Variants in MORN3 observed in about 807,000 individuals in gnomAD.
MORN3 encodes the protein MORN repeat containing 3.
A neutral mutation model predicts 34.7 loss-of-function variants in MORN3; 38 were observed. The ratio of observed to expected loss-of-function variants is 1.10; its 90% confidence interval spans 0.85 to 1.44. The LOEUF is 1.44. Among genes scored for constraint, MORN3 ranks in the 40% most tolerant of loss-of-function variants. The pLI is 0.00. For synonymous variants in MORN3, 109 were observed against 115.3 expected, an observed-to-expected ratio of 0.95 and a Z score of 0.35; for missense variants, 311 against 321.7, an observed-to-expected ratio of 0.97 and a Z score of 0.25.
intron 1 of MORN3, among the ~76,000 whole-genome samples, chr12:121,661,718 A>T (rs1451816936): frequency 6.6e-6 from 1 of 152,068 alleles, no homozygotes; most frequent in African/African-American, 2.4e-5. Flanking sequence ...TCTACTAAAA[A>T]TACAAAAATT....
upstream of MORN3, among the ~76,000 whole-genome samples, chr12:121,671,770 C>T (rs1429957461): frequency 6.6e-6 from 1 of 151,806 alleles, no homozygotes; most frequent in African/African-American, 2.4e-5. Context: ...ATCCCAGCTA[C>T]TCGGGAGGCT....
chr12:121,656,451 A>G (rs1555325714), intron 2 of MORN3, among the ~76,000 whole-genome samples: 1 of 152,034 alleles, frequency 6.6e-6, no homozygotes, highest in Non-Finnish European at 1.5e-5. Context: ...AGCCTTTTGA[A>G]AAGTTGGGAC....
At chr12:121,671,485 G>C (rs1380517239), upstream of MORN3, among the ~76,000 whole-genome samples, 1 of 151,892 alleles carries the variant, frequency 6.6e-6, no homozygotes, top group Non-Finnish European at 1.5e-5. Flanking sequence ...GTACCCTAAG[G>C]CAATAATAAA....
chr12:121,671,541 A>T (rs1372125441), upstream of MORN3, among the ~76,000 whole-genome samples: 1 of 152,150 alleles, frequency 6.6e-6, no homozygotes, highest in Non-Finnish European at 1.5e-5. Flanking sequence ...TCTTAGCTAG[A>T]TGCTATGGCT....
rs1377523278 is a variant in MORN3 at position 121,653,323 on chromosome 12, C to T, written c.464-64G>A. The T allele has an allele frequency of 7.8e-6, 12 of 1,534,470 alleles. No homozygotes were observed. In the East Asian group the frequency reaches 9.1e-5, roughly 12 times the overall value. ...CAAACTAAGCTAGACCCCCAGGGGT[C>T]GCTCTTCCAGAGCTCAGTGCAAATC... On this transcript the variant is annotated intron_variant, in intron 3 of 5. Transcript: ENST00000355329.
chr12:121,656,326 C>G (rs1893416064), intron 2 of MORN3, among the ~76,000 whole-genome samples: 1 of 151,938 alleles, frequency 6.6e-6, no homozygotes, highest in Non-Finnish European at 1.5e-5. Flanking sequence ...GAAGCCTGCC[C>G]TGAATTCCCT....
chr12:121,652,913 A>G (rs1318717958), intron 4 of MORN3, 105 bp from the exon 5 acceptor site: 1 of 1,451,782 alleles, frequency 6.9e-7, no homozygotes, highest in Non-Finnish European at 9.6e-7. Flanking sequence ...CCTCATCAGG[A>G]GCCACCTCCC....
chr12:121,670,876 C>T (rs553528694), upstream of MORN3, among the ~76,000 whole-genome samples: 12 of 152,006 alleles, frequency 7.9e-5, no homozygotes, highest in Middle Eastern at 6.8e-3. Flanking sequence ...TTTGGGAGGC[C>T]GAGGCGGATG....
At chr12:121,652,587 C>A in intron 5 of MORN3, 141 bp downstream of exon 5, 1 of 688,212 alleles carries the variant, frequency 1.5e-6, no homozygotes, top group South Asian at 1.7e-5. Flanking sequence ...CTGTAGGAGG[C>A]AAGAAGCCTG....
In MORN3 at chr12:121,669,464, G is replaced by T. The variant is rs1466695250; in HGVS notation, c.20C>A (p.Pro7Gln). ...CTTCCACAGGGACTCCGACTTTTTT[G>T]GGCACTTAGAGACTGGCATGGTGGC... MPVSKC[P>Q]KKSESLWKGW... The change falls in exon 1 of 6, where the codon CCA becomes CAA. Residue 7 changes from proline to glutamine, a missense_variant. By Grantham distance (76) the Pro-to-Gln change is moderately conservative (BLOSUM62 -1). Coordinates refer to ENST00000355329, the MANE Select transcript of MORN3 (RefSeq NM_173855.5). 1.3e-5 allele frequency: 21 copies of T among 1,613,802 alleles called. No individual in the cohort carries two copies. In the South Asian group the frequency reaches 2.1e-4, roughly 16 times the overall value.
intron 3 of MORN3, 66 bp downstream of exon 3, chr12:121,654,208 G>A: frequency 1.5e-6 from 2 of 1,365,642 alleles, no homozygotes; most frequent in Non-Finnish European, 2.0e-6. Flanking sequence ...GGACCAAATG[G>A]GCGTGGCCAG....
chr12:121,666,076 T>C (rs948851781), intron 1 of MORN3, among the ~76,000 whole-genome samples: 2 of 152,088 alleles, frequency 1.3e-5, no homozygotes, highest in Non-Finnish European at 2.9e-5. Context: ...ACACTTGTAA[T>C]CCCAGAACTT....
chr12:121,655,643 G>A (rs111389241), intron 2 of MORN3, among the ~76,000 whole-genome samples: 4,885 of 152,020 alleles, frequency 0.032, 153 homozygotes, highest in East Asian at 0.17. Context: ...CCCAGGAGTC[G>A]GAGGTTGCAG....
chr12:121,658,262 A>C (rs1555325901), intron 2 of MORN3, among the ~76,000 whole-genome samples: 1 of 152,116 alleles, frequency 6.6e-6, no homozygotes, highest in Non-Finnish European at 1.5e-5. Flanking sequence ...TGTGAGAGTT[A>C]ACTGAATATT....
chr12:121,653,072 C>A lies in MORN3; in HGVS notation c.648+3G>T. On this transcript the variant is annotated splice_donor_region_variant and intron_variant, in intron 4 of 5. Coordinates refer to ENST00000355329, the MANE Select transcript of MORN3 (RefSeq NM_173855.5). ...CCACAGGGCCCTGGTGAGGGCTGCC[C>A]ACCTCAGGAATGGGGAACTGAGTGG... 1.9e-6 allele frequency: 3 copies of A among 1,606,638 alleles called. No individual in the cohort carries two copies. Among genetic ancestry groups the A allele is most frequent in the South Asian group, 1.1e-5 (1 of 90,110 alleles).
At chr12:121,656,460 A>C (rs148860766) in intron 2 of MORN3, among the ~76,000 whole-genome samples, 16 of 152,136 alleles carry the variant, frequency 1.1e-4, no homozygotes, top group Admixed American at 2.0e-4. Flanking sequence ...AAAAGTTGGG[A>C]CTACAGATGT....
intron 2 of MORN3, 25 bp downstream of exon 2, chr12:121,659,166 C>T (rs1893504543): frequency 6.2e-7 from 1 of 1,606,504 alleles, no homozygotes; most frequent in South Asian, 1.1e-5. Flanking sequence ...CACACACACA[C>T]ACCCCGGCTG....
chr12:121,653,266 G>A lies in MORN3; in HGVS notation c.464-7C>T. 6.2e-7 allele frequency: 1 copy of A among 1,612,920 alleles called. No individual in the cohort carries two copies. Among genetic ancestry groups the A allele is most frequent in the Non-Finnish European group, 8.5e-7 (1 of 1,179,526 alleles). The stretch of plus-strand genomic sequence containing the variant: ...TCGTAGCGGTTCCCGTTCTCTGGGG[G>A]AAAGGACAGGGAGGTGTGGTGCAGG... On this transcript the variant is annotated splice_polypyrimidine_tract_variant and splice_region_variant and intron_variant, in intron 3 of 5. Transcript: ENST00000355329.
In MORN3 at chr12:121,653,267, A is replaced by T. The variant is rs1555325311; in HGVS notation, c.464-8T>A. On this transcript the variant is annotated splice_polypyrimidine_tract_variant and splice_region_variant and intron_variant, in intron 3 of 5. Transcript: ENST00000355329. The stretch of plus-strand genomic sequence containing the variant: ...CGTAGCGGTTCCCGTTCTCTGGGGG[A>T]AAGGACAGGGAGGTGTGGTGCAGGG... The T allele has an allele frequency of 6.2e-7, 1 of 1,612,660 alleles. No homozygotes were observed. The highest frequency in any genetic ancestry group is 8.5e-7 in the Non-Finnish European group (1 of 1,179,488).
Sources: gnomAD v4.1 joint callset for allele counts (sites outside exome capture counted in the v4.1 genomes callset) on GRCh38, gnomAD v4.1.1 for gene constraint, MANE v1.5 for transcripts, NCBI Gene and HGNC (gene_info 2026-07-23, HGNC 2026-07-21) for gene names.